C10orf90: variants seen among roughly 807,000 people sequenced by gnomAD.
C10orf90 encodes chromosome 10 open reading frame 90, also known as (E2-independent) E3 ubiquitin-conjugating enzyme FATS.
A neutral mutation model predicts 62.5 loss-of-function variants in C10orf90; 56 were observed. The observed-to-expected ratio is 0.90, with a 90% CI of 0.72 to 1.12. The LOEUF is 1.12. Among genes scored for constraint, C10orf90 ranks in the 50% most tolerant of loss-of-function variants. The pLI is 0.00. For missense variants in C10orf90, 970 were observed against 880.4 expected (o/e 1.10, Z -1.29); for synonymous variants, 386 against 340.4 (o/e 1.13, Z -1.47).
chr10:126,554,400 G>A (rs189375778), intron 2 of C10orf90, among the ~76,000 whole-genome samples: 9 of 152,194 alleles, frequency 5.9e-5, no homozygotes, highest in Non-Finnish European at 5.9e-5. Flanking sequence ...GAAAGCCTTC[G>A]GAATTCAGAA....
chr10:126,569,590 G>T (rs1335733553), intron 2 of C10orf90, among the ~76,000 whole-genome samples: 1 of 152,194 alleles, frequency 6.6e-6, no homozygotes, highest in Non-Finnish European at 1.5e-5. Context: ...TTTGTAAAGA[G>T]ATGAGAAAAC....
chr10:126,529,744 G>A (rs113848622), intron 2 of C10orf90, among the ~76,000 whole-genome samples: 10 of 152,200 alleles, frequency 6.6e-5, no homozygotes, highest in Non-Finnish European at 1.3e-4. Context: ...GACAACAGGA[G>A]TTCCCATGTG....
intron 2 of C10orf90, among the ~76,000 whole-genome samples, chr10:126,532,731 G>A (rs1476129962): frequency 1.3e-5 from 2 of 148,876 alleles, no homozygotes; most frequent in Non-Finnish European, 3.0e-5. Flanking sequence ...CAGCTACTCC[G>A]GAGGGTGAGG....
At chr10:126,631,336 A>G (rs1845846587) in intron 2 of C10orf90, among the ~76,000 whole-genome samples, 1 of 152,020 alleles carries the variant, frequency 6.6e-6, no homozygotes, top group Non-Finnish European at 1.5e-5. Flanking sequence ...GGCTCCTTGA[A>G]CACACCAGTC....
chr10:126,602,771 T>G (rs1845223984), intron 2 of C10orf90, among the ~76,000 whole-genome samples: 1 of 151,966 alleles, frequency 6.6e-6, no homozygotes, highest in Non-Finnish European at 1.5e-5. Context: ...TTTTTTTTTT[T>G]TTTGGTCTTT....
chr10:126,502,558 A>T, intron 4 of C10orf90: 1 of 189,692 alleles, frequency 5.3e-6, no homozygotes, highest in South Asian at 9.1e-5. Flanking sequence ...CTCTGAGATG[A>T]GTGTATGAGT....
At chr10:126,520,657 G>T (rs1454839808) in intron 2 of C10orf90, 1 of 152,280 alleles carries the variant, frequency 6.6e-6, no homozygotes, top group Non-Finnish European at 1.5e-5. Flanking sequence ...AAAGGGAGCA[G>T]CTGGATACAA....
At chr10:126,468,720 G>T (rs1441142529) in intron 4 of C10orf90, among the ~76,000 whole-genome samples, 1 of 152,156 alleles carries the variant, frequency 6.6e-6, no homozygotes, top group East Asian at 1.9e-4. Context: ...ACCCATGCAG[G>T]GCAGGGACTG....
At chr10:126,615,194 C>A (rs1007926873) in intron 2 of C10orf90, among the ~76,000 whole-genome samples, 2 of 152,212 alleles carry the variant, frequency 1.3e-5, no homozygotes, top group Non-Finnish European at 2.9e-5. Flanking sequence ...CCTCTGCCTG[C>A]ATCCTATTTG....
rs1857220023 is a variant in C10orf90, at chr10:126,425,656, C to A, written c.*208G>T. The A allele has an allele frequency of 1.7e-6, 1 of 596,834 alleles. No individual in the cohort carries two copies. Among genetic ancestry groups the A allele is most frequent in the Admixed American group, 3.3e-5 (1 of 30,752 alleles). The allele number at this position is 596,834 out of a possible 1,614,324, so 37.0% of individuals were successfully genotyped here. On this transcript the variant is annotated 3_prime_UTR_variant, in exon 10 of 10. Transcript: ENST00000488181. Reference sequence around the variant, plus strand: ...TTACATGGAGGTGGTTTCCCCACAACAGATTGTTGACCTATTTTCTCGAGG... The same window carrying A: ...TTACATGGAGGTGGTTTCCCCACAAAAGATTGTTGACCTATTTTCTCGAGG...
intron 5 of C10orf90, among the ~76,000 whole-genome samples, chr10:126,462,953 GCT>G (rs1386211426): frequency 6.6e-6 from 1 of 152,156 alleles, no homozygotes; most frequent in Admixed American, 6.5e-5. Flanking sequence ...TTCCAGTCAT[GCT>G]CTTTCATTTT....
At chr10:126,518,933 A>G (rs1293640766) in intron 2 of C10orf90, among the ~76,000 whole-genome samples, 1 of 152,070 alleles carries the variant, frequency 6.6e-6, no homozygotes, top group Non-Finnish European at 1.5e-5. Flanking sequence ...ACAGAATCCA[A>G]CTGAGCAGGA....
intron 2 of C10orf90, among the ~76,000 whole-genome samples, chr10:126,627,000 C>CTTTTTTTTTTTTTTTTTTTTT (rs61226052): frequency 5.0e-5 from 6 of 119,496 alleles, no homozygotes; most frequent in South Asian, 2.6e-4. Flanking sequence ...TTTTTCTTTT[C>CTTTTTTTTTTTTTTTTTTTTT]TTTTTTTTTT....
chr10:126,479,621 G>A (rs1861068520), intron 4 of C10orf90, among the ~76,000 whole-genome samples: 1 of 152,180 alleles, frequency 6.6e-6, no homozygotes, highest in African/African-American at 2.4e-5. Context: ...GCCTCCCCAT[G>A]GTTACAGGCC....
intron 2 of C10orf90, among the ~76,000 whole-genome samples, chr10:126,516,463 A>C (rs1282153835): frequency 1.3e-5 from 2 of 152,228 alleles, no homozygotes; most frequent in Non-Finnish European, 2.9e-5. Context: ...GGCTTTGAGC[A>C]AGTTACTTAG....
intron 8 of C10orf90, among the ~76,000 whole-genome samples, chr10:126,427,714 C>T (rs1393632828): frequency 2.0e-5 from 3 of 152,152 alleles, no homozygotes; most frequent in Middle Eastern, 3.2e-3. Flanking sequence ...GGGCTTGCAC[C>T]GGGGGCTCTC....
chr10:126,649,079 C>CT (rs1395753559), intron 1 of C10orf90, among the ~76,000 whole-genome samples: 1 of 108,794 alleles, frequency 9.2e-6, no homozygotes, highest in Non-Finnish European at 1.9e-5. Context: ...TCTCCCCCCC[C>CT]CCCAGCAATT....
intron 2 of C10orf90, among the ~76,000 whole-genome samples, chr10:126,536,508 C>T (rs995908166): frequency 3.9e-5 from 6 of 152,126 alleles, no homozygotes; most frequent in Non-Finnish European, 8.8e-5. Context: ...GAAAGAGAAG[C>T]ACAGGGTTGG....
intron 1 of C10orf90, among the ~76,000 whole-genome samples, chr10:126,649,080 C>CCT (rs1554932183): frequency 0.43 from 51,155 of 118,812 alleles, 12,517 homozygotes; most frequent in East Asian, 0.5. Flanking sequence ...CTCCCCCCCC[C>CCT]CCAGCAATTC....
Sources: gnomAD v4.1 joint callset for allele counts (sites outside exome capture counted in the v4.1 genomes callset) on GRCh38, gnomAD v4.1.1 for gene constraint, MANE v1.5 for transcripts, NCBI Gene and HGNC (gene_info 2026-07-23, HGNC 2026-07-21) for gene names.